The following RASGRF2 variants were observed in gnomAD, a reference collection of about 807,000 sequenced individuals.
The protein encoded by RASGRF2 is ras-specific guanine nucleotide-releasing factor 2.
In RASGRF2, 76 loss-of-function variants were observed where a neutral mutation model predicts 151.0. That is an observed-to-expected ratio of 0.50 (90% CI 0.42 to 0.61). RASGRF2 has a LOEUF of 0.61. RASGRF2 is among the 20% of genes least tolerant of loss of function. The pLI is 0.00. For synonymous variants in RASGRF2, 504 were observed against 566.5 expected (o/e 0.89, Z 1.57); for missense variants, 1,148 against 1,564.6 (o/e 0.73, Z 4.49).
intron 23 of RASGRF2, 116 bp from the exon 24 acceptor site, chr5:81,215,760 C>A: frequency 1.6e-6 from 2 of 1,262,774 alleles, no homozygotes; most frequent in Non-Finnish European, 1.0e-6. Flanking sequence ...GACCTTTATT[C>A]TGGCAAAGGT....
chr5:81,122,051 A>G (rs1458963111), intron 15 of RASGRF2, among the ~76,000 whole-genome samples: 2 of 152,216 alleles, frequency 1.3e-5, no homozygotes, highest in Non-Finnish European at 2.9e-5. Context: ...GAGCCTGATC[A>G]AAAGTGAATA....
At chr5:81,058,976 G>A (rs1294903387) in intron 2 of RASGRF2, among the ~76,000 whole-genome samples, 2 of 152,200 alleles carry the variant, frequency 1.3e-5, no homozygotes, top group South Asian at 4.1e-4. Flanking sequence ...GGACTTGTCT[G>A]TAATCTTTTT....
intron 1 of RASGRF2, among the ~76,000 whole-genome samples, chr5:80,978,383 A>C (rs187191926): frequency 3.2e-4 from 48 of 152,370 alleles, no homozygotes; most frequent in African/African-American, 1.1e-3. Context: ...TGAGAAAACT[A>C]AAATATTCTG....
chr5:80,961,024 C>G lies in RASGRF2; in HGVS notation c.286C>G (p.Gln96Glu). The G allele has an allele frequency of 6.8e-7, 1 of 1,471,074 alleles. No homozygotes were observed. The highest frequency in any genetic ancestry group is 9.0e-7 in the Non-Finnish European group (1 of 1,105,650). The allele number at this position is 1,471,074 out of a possible 1,614,324, so 91.1% of individuals were successfully genotyped here. ...QGGVRDALDK[Q>E]YYFTVLFGHE... ...AGGCGTCCGAGACGCGCTGGACAAGCAGGTACCGCGCGCCTTCTCTCCGCG... is the reference window on the plus strand; with the variant it reads ...AGGCGTCCGAGACGCGCTGGACAAGGAGGTACCGCGCGCCTTCTCTCCGCG... Residue 96 changes from glutamine to glutamate, a missense_variant and splice_region_variant, in exon 1 of 27, where the codon CAG (glutamine) becomes GAG (glutamate). Around this residue, in one of 5 missense-constraint regions of RASGRF2, gnomAD observed 221 missense variants for 271.3 expected, o/e 0.81. Coordinates refer to ENST00000265080, the MANE Select transcript of RASGRF2 (RefSeq NM_006909.3).
At chr5:81,050,215 G>A (rs1484614559) in intron 2 of RASGRF2, among the ~76,000 whole-genome samples, 1 of 152,082 alleles carries the variant, frequency 6.6e-6, no homozygotes, top group African/African-American at 2.4e-5. Context: ...CTGCCACCTC[G>A]CCTGTCTCTT....
chr5:81,082,523 T>C (rs1410572468), intron 7 of RASGRF2, among the ~76,000 whole-genome samples: 1 of 152,210 alleles, frequency 6.6e-6, no homozygotes, highest in Non-Finnish European at 1.5e-5. Flanking sequence ...AATAGCTATT[T>C]CATAATTTGT....
At position 81,206,911 on chromosome 5, in the gene RASGRF2, T is replaced by C; in HGVS notation, c.2967+6T>C. 6.3e-7 allele frequency: 1 copy of C among 1,596,610 alleles called. No individual in the cohort carries two copies. On this transcript the variant is annotated splice_donor_region_variant and intron_variant, in intron 20 of 26. Transcript: ENST00000265080. ...TAGAGGATATAATTCAAATGGTAAG[T>C]CTGACCACATTTTTATCTAGCACAA...
intron 15 of RASGRF2, among the ~76,000 whole-genome samples, chr5:81,122,091 A>G (rs1218603358): frequency 6.6e-6 from 1 of 152,190 alleles, no homozygotes; most frequent in Non-Finnish European, 1.5e-5. Flanking sequence ...CTCAGCCCCC[A>G]GTGCTGGCAT....
intron 2 of RASGRF2, among the ~76,000 whole-genome samples, chr5:81,065,047 C>T (rs1751559706): frequency 6.6e-6 from 1 of 152,062 alleles, no homozygotes; most frequent in Non-Finnish European, 1.5e-5. Context: ...AGGAAATGAA[C>T]TTTTCTAACA....
intron 17 of RASGRF2, among the ~76,000 whole-genome samples, chr5:81,174,801 G>T (rs562260035): frequency 1.3e-5 from 2 of 152,340 alleles, no homozygotes; most frequent in Admixed American, 1.3e-4. Context: ...CATTAGACAA[G>T]TAAAGGTTTT....
intron 18 of RASGRF2, among the ~76,000 whole-genome samples, chr5:81,189,860 C>T (rs534495910): frequency 2.6e-5 from 4 of 152,108 alleles, no homozygotes; most frequent in East Asian, 1.9e-4. Context: ...TACAGGCATG[C>T]GCCACCACAC....
rs142659605 is a variant in RASGRF2 at position 80,970,987 on chromosome 5, G to A, written c.288+9961G>A. Among the ~76,000 whole-genome samples the A allele has an allele frequency of 3.9e-4, 59 of 151,986 alleles. 1 individual carries two copies. In the South Asian group the frequency reaches 6.3e-3, roughly 16 times the overall value. ...CTGGTCCTGCGCTGTCACCTGTACCGCCCAGAGTCCATGTTCAAAATTTTT... is the reference window on the plus strand; with the variant it reads ...CTGGTCCTGCGCTGTCACCTGTACCACCCAGAGTCCATGTTCAAAATTTTT... On this transcript the variant is annotated intron_variant, in intron 1 of 26. Coordinates refer to ENST00000265080, the MANE Select transcript of RASGRF2 (RefSeq NM_006909.3).
chr5:81,166,541 GATACCT>G (rs1280169720), intron 17 of RASGRF2, among the ~76,000 whole-genome samples: 1 of 152,104 alleles, frequency 6.6e-6, no homozygotes, highest in Non-Finnish European at 1.5e-5. Flanking sequence ...ATACTCCAAG[GATACCT>G]AAGATAAGCA....
chr5:81,032,348 G>T (rs990128582), intron 1 of RASGRF2, among the ~76,000 whole-genome samples: 3 of 152,124 alleles, frequency 2.0e-5, no homozygotes, highest in African/African-American at 7.2e-5. Context: ...AACAAAAAAA[G>T]AGAATTTTAG....
chr5:81,036,305 T>C (rs752400073), intron 1 of RASGRF2, among the ~76,000 whole-genome samples: 13 of 152,096 alleles, frequency 8.5e-5, no homozygotes, highest in Non-Finnish European at 1.6e-4. Context: ...GCCATCTTCT[T>C]ACCTTCTGCC....
intron 26 of RASGRF2, among the ~76,000 whole-genome samples, chr5:81,225,134 G>A (rs540475291): frequency 4.6e-5 from 7 of 152,000 alleles, no homozygotes; most frequent in African/African-American, 7.3e-5. Flanking sequence ...GAGTATTCAC[G>A]CATGCACTCC....
intron 1 of RASGRF2, among the ~76,000 whole-genome samples, chr5:81,010,634 A>G (rs994491518): frequency 4.6e-5 from 7 of 152,216 alleles, no homozygotes; most frequent in Admixed American, 4.6e-4. Context: ...ATTTTGGGTG[A>G]TTTGAGACTG....
At chr5:81,113,136 C>T (rs1196313273) in intron 14 of RASGRF2, among the ~76,000 whole-genome samples, 4 of 151,030 alleles carry the variant, frequency 2.6e-5, no homozygotes, top group African/African-American at 9.9e-5. Flanking sequence ...TTTTTTCTTT[C>T]TTTCTTTCTT....
At chr5:81,146,286 C>G (rs1223061535) in intron 17 of RASGRF2, among the ~76,000 whole-genome samples, 1 of 152,126 alleles carries the variant, frequency 6.6e-6, no homozygotes, top group African/African-American at 2.4e-5. Context: ...AGAGGAGCCT[C>G]CCCTGTGTAG....
Sources: gnomAD v4.1 joint callset for allele counts (sites outside exome capture counted in the v4.1 genomes callset) on GRCh38, gnomAD v4.1.1 for gene constraint, gnomAD v4.1.1 regional missense constraint, MANE v1.5 for transcripts, NCBI Gene and HGNC (gene_info 2026-07-23, HGNC 2026-07-21) for gene names.